CYP2S1: variants seen among roughly 807,000 people sequenced by gnomAD.
The protein encoded by CYP2S1 is cytochrome P450 2S1.
In CYP2S1, 32 loss-of-function variants were observed where a neutral mutation model predicts 43.5. The ratio of observed to expected loss-of-function variants is 0.74; its 90% CI spans 0.56 to 0.99. CYP2S1 has a LOEUF of 0.99. Among genes scored for constraint, CYP2S1 ranks in the 50% least tolerant of loss-of-function variants. CYP2S1 has a pLI of 0.00. For synonymous variants in CYP2S1, 283 were observed against 302.9 expected (o/e 0.93, Z 0.68); for missense variants, 575 against 673.9 (o/e 0.85, Z 1.62).
rs761077284 is a variant in CYP2S1, at chr19:41,206,632, C to T, written c.*144C>T. ...CAGTTGTTTTCCGGAGTCTGTCCCA[C>T]GGCCCACACGCTCACTTGACTCATG... On this transcript the variant is annotated 3_prime_UTR_variant, in exon 9 of 9. Transcript: ENST00000310054. The T allele has an allele frequency of 2.3e-5, 23 of 1,009,804 alleles. No individual in the cohort carries two copies. Among genetic ancestry groups the T allele is most frequent in the Admixed American group, 1.7e-4 (10 of 59,194 alleles). 62.6% of individuals were successfully genotyped at this position (1,009,804 alleles called of 1,614,324 possible).
chr19:41,198,236 T>C lies in CYP2S1; in HGVS notation c.494-226T>C, dbSNP rs1298100242. Among the ~76,000 whole-genome samples the C allele has an allele frequency of 1.3e-5, 2 of 152,066 alleles. No homozygotes were observed. The highest frequency in any genetic ancestry group is 6.6e-5 in the Admixed American group (1 of 15,248). On this transcript the variant is annotated intron_variant, in intron 3 of 8. Coordinates refer to ENST00000310054, the MANE Select transcript of CYP2S1 (RefSeq NM_030622.8). The surrounding 1 kb of genome is among the most constrained non-coding windows in gnomAD (Gnocchi z 4.9). ...CTATTTTTTGGGCCCTCAGTCTATC[T>C]CTGTTTCTGTCTCCCTGTCTGTGTG...
At chr19:41,200,968 C>G (rs1282794840) in intron 5 of CYP2S1, among the ~76,000 whole-genome samples, 1 of 152,066 alleles carries the variant, frequency 6.6e-6, no homozygotes, top group Non-Finnish European at 1.5e-5. Flanking sequence ...ATCCCAGCTA[C>G]TCGGGAGGCT....
At chr19:41,205,894 C>T (rs1315360098) in intron 7 of CYP2S1, 64 bp from the exon 8 acceptor site, 1 of 1,571,218 alleles carries the variant, frequency 6.4e-7, no homozygotes, top group Non-Finnish European at 8.6e-7. Flanking sequence ...TTGTACTCCA[C>T]ACTCGAGGAC....
At chr19:41,193,740 A>G (rs2033372371) in intron 1 of CYP2S1, 1 of 349,742 alleles carries the variant, frequency 2.9e-6, no homozygotes, top group Non-Finnish European at 4.8e-6. Context: ...TGAAAGAGAC[A>G]GGAGTCCTCC....
chr19:41,201,246 G>A lies in CYP2S1; in HGVS notation c.850G>A (p.Gly284Ser), dbSNP rs745925929. Reference protein sequence around the residue: ...LKMAQEEQNPGTEFTNKNMLM... With the variant: ...LKMAQEEQNPSTEFTNKNMLM... ...TTTCTTTCAGGAGGAACAAAACCCA[G>A]GCACAGAATTCACCAACAAGAACAT... The change falls in exon 6 of 9, where the codon GGC (glycine) becomes AGC (serine). Residue 284 changes from glycine to serine, a missense_variant. Transcript: ENST00000310054. The A allele has an allele frequency of 1.2e-6, 2 of 1,614,106 alleles. No individual in the cohort carries two copies. The highest frequency in any genetic ancestry group is 3.3e-5 in the Admixed American group (2 of 60,000).
intron 6 of CYP2S1, 78 bp downstream of exon 6, chr19:41,201,450 A>T: frequency 6.5e-7 from 1 of 1,545,716 alleles, no homozygotes; most frequent in Middle Eastern, 1.7e-4. Context: ...TCACGCCTAT[A>T]ATCCCAGCAC....
chr19:41,206,463 T>G lies in CYP2S1; in HGVS notation c.1490T>G (p.Leu497Arg), dbSNP rs1316613134. The G allele has an allele frequency of 1.2e-6, 2 of 1,613,964 alleles. No individual in the cohort carries two copies. Among genetic ancestry groups the G allele is most frequent in the African/African-American group, 2.7e-5 (2 of 74,886 alleles). Residue 497 changes from leucine to arginine, a missense_variant, in exon 9 of 9, where the codon CTT becomes CGT. Leu to Arg is a moderately radical substitution (Grantham distance 102, BLOSUM62 -2). Transcript: ENST00000310054. ...CAGCTGCAAGTCCGTCCCACTGACC[T>G]TCACTCCACCACGCAGACCAGATGA... ...AFQLQVRPTD[L>R]HSTTQTR
rs3082705 is a variant in CYP2S1 at position 41,205,342 on chromosome 19, T to TTTTCTTTCTTTCTTTCTTTCTTTC, written c.1165-598_1165-575dup. On this transcript the variant is annotated intron_variant, in intron 7 of 8. Coordinates refer to ENST00000310054, the MANE Select transcript of CYP2S1 (RefSeq NM_030622.8). ...ATTCTTTGCCTTTCTTTCTTTCTTT[T>TTTTCTTTCTTTCTTTCTTTCTTTC]TTTCTTTCTTTCTTTCTTTCTTTCT... is the stretch of plus-strand genomic sequence containing the variant. Among the ~76,000 whole-genome samples the TTTTCTTTCTTTCTTTCTTTCTTTC allele has an allele frequency of 9.6e-3, 1,067 of 111,680 alleles. 19 individuals are homozygous for TTTTCTTTCTTTCTTTCTTTCTTTC. Among genetic ancestry groups the TTTTCTTTCTTTCTTTCTTTCTTTC allele is most frequent in the East Asian group, 0.022 (84 of 3,794 alleles). The allele number at this position is 111,680 out of a possible 152,430, so 73.3% of individuals were successfully genotyped here.
At position 41,207,076 on chromosome 19, in the gene CYP2S1, C is replaced by G; in HGVS notation, c.*588C>G. ...CCCAACCACTTGTCCACACAGCTAC[C>G]CACGTACGACATCGTCCTGGCTCCC... is the stretch of plus-strand genomic sequence containing the variant. On this transcript the variant is annotated 3_prime_UTR_variant, in exon 9 of 9. Transcript: ENST00000310054. 1 of 333,318 alleles carries G rather than the reference C, an allele frequency of 3.0e-6. No homozygotes were observed. The highest frequency in any genetic ancestry group is 5.9e-6 in the Non-Finnish European group (1 of 168,882). The allele number at this position is 333,318 out of a possible 1,614,324, so 20.6% of individuals were successfully genotyped here.
intron 6 of CYP2S1, among the ~76,000 whole-genome samples, 190 bp from the exon 7 acceptor site, chr19:41,203,256 TAAGA>T (rs1471661087): frequency 1.3e-5 from 2 of 151,470 alleles, no homozygotes; most frequent in African/African-American, 4.9e-5. Flanking sequence ...TAAAATAAAA[TAAGA>T]GAGAGAGAAG....
intron 2 of CYP2S1, among the ~76,000 whole-genome samples, chr19:41,196,950 C>G (rs780552487): frequency 6.6e-6 from 1 of 152,106 alleles, no homozygotes; most frequent in Non-Finnish European, 1.5e-5. Flanking sequence ...CATTCTAGCA[C>G]TTTGGGAGGC....
At chr19:41,205,257 T>A (rs2033547323) in intron 7 of CYP2S1, among the ~76,000 whole-genome samples, 1 of 151,982 alleles carries the variant, frequency 6.6e-6, no homozygotes, top group Admixed American at 6.6e-5. Context: ...TTTGCCAAGG[T>A]CCCCCAGCCT....
chr19:41,195,623 C>T (rs338598), intron 2 of CYP2S1, among the ~76,000 whole-genome samples: 2 of 151,768 alleles, frequency 1.3e-5, no homozygotes, highest in Non-Finnish European at 2.9e-5. Context: ...GGTGAGGGAG[C>T]TTCAGGAAGT....
chr19:41,207,017 TCTCCCA>T lies in CYP2S1; in HGVS notation c.*530_*535del. The T allele has an allele frequency of 5.6e-6, 2 of 354,404 alleles. No individual in the cohort carries two copies. The highest frequency in any genetic ancestry group is 3.8e-5 in the Admixed American group (1 of 26,364). 22.0% of individuals were successfully genotyped at this position (354,404 alleles called of 1,614,324 possible). On this transcript the variant is annotated 3_prime_UTR_variant, in exon 9 of 9. Transcript: ENST00000310054. Reference sequence around the variant, plus strand: ...ATGCTCCCTCTCTTGGCTACACCACTCTCCCAGCCTGTGACCACCGATGTCCACACA... The same window carrying T: ...ATGCTCCCTCTCTTGGCTACACCACTGCCTGTGACCACCGATGTCCACACA...
intron 6 of CYP2S1, among the ~76,000 whole-genome samples, chr19:41,202,382 G>A (rs1273431577): frequency 6.6e-6 from 1 of 152,226 alleles, no homozygotes; most frequent in African/African-American, 2.4e-5. Context: ...TGTTGCAGGA[G>A]TGGAATTAGC....
At chr19:41,201,838 T>C (rs146990741) in intron 6 of CYP2S1, among the ~76,000 whole-genome samples, 11 of 152,126 alleles carry the variant, frequency 7.2e-5, no homozygotes, top group African/African-American at 2.4e-4. Context: ...AGTTGCTGAT[T>C]GCAGTATGAG....
At position 41,193,251 on chromosome 19, in the gene CYP2S1, G is replaced by A; in HGVS notation, c.-14G>A. 2 of 1,531,100 alleles carry A rather than the reference G, an allele frequency of 1.3e-6. No homozygotes were observed. Among genetic ancestry groups the A allele is most frequent in the Admixed American group, 2.0e-5 (1 of 48,968 alleles). 94.8% of individuals were successfully genotyped at this position (1,531,100 alleles called of 1,614,324 possible). On this transcript the variant is annotated 5_prime_UTR_variant, in exon 1 of 9. Coordinates refer to ENST00000310054, the MANE Select transcript of CYP2S1 (RefSeq NM_030622.8). ...CGGAGCGCCTGGGAGAGGAGAAGGA[G>A]CCGACCTGCCGAGATGGAGGCGACC...
At chr19:41,201,434 G>A (rs1448634583) in intron 6 of CYP2S1, 62 bp downstream of exon 6, 5 of 1,574,076 alleles carry the variant, frequency 3.2e-6, no homozygotes, top group Admixed American at 1.8e-5. Flanking sequence ...GGCTGAGCAA[G>A]GTGGCTCACG....
intron 2 of CYP2S1, among the ~76,000 whole-genome samples, chr19:41,195,742 A>G (rs747142898): frequency 6.6e-6 from 1 of 152,122 alleles, no homozygotes; most frequent in African/African-American, 2.4e-5. Flanking sequence ...AGAAGCATTC[A>G]TCCATTCAAC....
Sources: allele counts gnomAD v4.1 joint callset (sites outside exome capture counted in the v4.1 genomes callset), GRCh38; gene constraint gnomAD v4.1.1; non-coding constraint Gnocchi (gnomAD v3.1); transcripts MANE v1.5; gene names NCBI Gene and HGNC (gene_info 2026-07-23, HGNC 2026-07-21).